The following TOPAZ1 variants were observed in gnomAD, a reference collection of about 807,000 sequenced individuals.
The protein encoded by TOPAZ1 is protein TOPAZ1.
In TOPAZ1, 66 loss-of-function variants were observed where a neutral mutation model predicts 172.2. The ratio of observed to expected loss-of-function variants is 0.38; its 90% CI spans 0.31 to 0.47. The LOEUF is 0.47. Among genes scored for constraint, TOPAZ1 ranks in the 20% least tolerant of loss-of-function variants. The probability of loss-of-function intolerance (pLI) is 0.99; values close to 1 mark genes in which losing one functional copy is unlikely to be tolerated. For missense variants in TOPAZ1, 1,822 were observed against 1,972.4 expected (o/e 0.92, Z 1.44); for synonymous variants, 681 against 683.9 (o/e 1.00, Z 0.07).
rs553971687 is a variant in TOPAZ1, at chr3:44,300,121, TAAATAAA to T, written c.3798-3883_3798-3877del. On this transcript the variant is annotated intron_variant, in intron 12 of 19. Coordinates refer to ENST00000309765, the MANE Select transcript of TOPAZ1 (RefSeq NM_001145030.2). ...GTATAATAATAATAAAATAAATAAA[TAAATAAA>T]AAATAAAAAAAAAGAAAATGAGAGC... Among the ~76,000 whole-genome samples, 584 of 150,162 alleles carry T rather than the reference TAAATAAA, an allele frequency of 3.9e-3. 1 individual carries two copies. Among genetic ancestry groups the T allele is most frequent in the African/African-American group, 0.013 (527 of 40,990 alleles).
rs374184302 is a variant in TOPAZ1 at position 44,317,073 on chromosome 3, TACTA to T, written c.4307-3952_4307-3949del. Among the ~76,000 whole-genome samples the T allele has an allele frequency of 5.5e-3, 838 of 152,348 alleles. 7 individuals carry two copies. Among genetic ancestry groups the T allele is most frequent in the African/African-American group, 0.019 (803 of 41,578 alleles). ...TTATTCTTTGAATGAATTTCAGAAT[TACTA>T]AATCAGGTTTTAATACAGTTCTGTA... On this transcript the variant is annotated intron_variant, in intron 16 of 19. Transcript: ENST00000309765.
chr3:44,269,333 GTC>G, intron 7 of TOPAZ1, 32 bp downstream of exon 7: 1 of 1,327,388 alleles, frequency 7.5e-7, no homozygotes, highest in Non-Finnish European at 1.1e-6. Context: ...ATAATAATCT[GTC>G]TCTTTCTCCT....
chr3:44,308,353 C>T (rs1374482632), intron 15 of TOPAZ1, among the ~76,000 whole-genome samples: 1 of 151,008 alleles, frequency 6.6e-6, no homozygotes, highest in African/African-American at 2.4e-5. Flanking sequence ...GTTCAATTCC[C>T]ACCTATGAGT....
At chr3:44,269,324 T>G (rs762211212) in intron 7 of TOPAZ1, 23 bp downstream of exon 7, 2 of 1,394,296 alleles carry the variant, frequency 1.4e-6, no homozygotes. Flanking sequence ...TAAAAAATAA[T>G]AATAATCTGT....
intron 8 of TOPAZ1, among the ~76,000 whole-genome samples, chr3:44,281,438 T>C (rs941680216): frequency 2.6e-5 from 4 of 152,218 alleles, no homozygotes; most frequent in Non-Finnish European, 5.9e-5. Flanking sequence ...TTTTGTAATA[T>C]TGACTTTTTG....
At chr3:44,313,049 T>A (rs1028033892) in intron 16 of TOPAZ1, among the ~76,000 whole-genome samples, 1 of 152,202 alleles carries the variant, frequency 6.6e-6, no homozygotes, top group East Asian at 1.9e-4. Context: ...CATCACTTAC[T>A]AGGCTGCATG....
At position 44,269,471 on chromosome 3, in the gene TOPAZ1, C is replaced by CTTTTTTTTTTTTTTTTTTTTTTTTTTTT. The variant is rs71085612; in HGVS notation, c.3246+174_3246+201dup. Among the ~76,000 whole-genome samples, 30 of 33,936 alleles carry CTTTTTTTTTTTTTTTTTTTTTTTTTTTT rather than the reference C, an allele frequency of 8.8e-4. 4 individuals are homozygous for CTTTTTTTTTTTTTTTTTTTTTTTTTTTT. Among genetic ancestry groups the CTTTTTTTTTTTTTTTTTTTTTTTTTTTT allele is most frequent in the Non-Finnish European group, 1.1e-3 (22 of 20,944 alleles). 22.3% of individuals were successfully genotyped at this position (33,936 alleles called of 152,430 possible). ...CCTTTTGATTGTATTTCCCTATCAT[C>CTTTTTTTTTTTTTTTTTTTTTTTTTTTT]TTTTTTTTTTTTTTTTTTTTTTTTT... On this transcript the variant is annotated intron_variant, in intron 7 of 19. Transcript: ENST00000309765.
intron 2 of TOPAZ1, among the ~76,000 whole-genome samples, chr3:44,253,401 T>C (rs1699658326): frequency 6.6e-6 from 1 of 152,196 alleles, no homozygotes; most frequent in Admixed American, 6.5e-5. Context: ...AAGAACGTGG[T>C]GACTTTACAC....
downstream of TOPAZ1, among the ~76,000 whole-genome samples, chr3:44,334,659 C>T (rs1700705152): frequency 6.6e-6 from 1 of 152,080 alleles, no homozygotes; most frequent in South Asian, 2.1e-4. Flanking sequence ...TGGGAGAAAC[C>T]AGGTGATTTT....
chr3:44,316,215 C>T (rs1488884431), intron 16 of TOPAZ1, among the ~76,000 whole-genome samples: 1 of 152,122 alleles, frequency 6.6e-6, no homozygotes, highest in Non-Finnish European at 1.5e-5. Context: ...CACTTCACTC[C>T]AGCCTGGGCA....
intron 1 of TOPAZ1, 124 bp from the exon 2 acceptor site, chr3:44,242,729 T>A (rs969801955): frequency 2.3e-4 from 176 of 777,846 alleles, no homozygotes; most frequent in South Asian, 1.1e-3. Context: ...AAAACAAATG[T>A]GTATTTACAT....
chr3:44,294,004 G>A (rs7619531), intron 12 of TOPAZ1, among the ~76,000 whole-genome samples: 69,688 of 151,658 alleles, frequency 0.46, 17,180 homozygotes, highest in East Asian at 0.8. Context: ...ACTTTGGGAG[G>A]CTGAGGCAGG....
Position 44,321,139 on chromosome 3 carries a change from T to C in TOPAZ1, c.4419T>C (p.Tyr1473=), listed in dbSNP as rs1483007484. ...IAHEILAKSL[Y]RQTFEVLQNL... ...ATGAAATCTTAGCCAAGAGCCTTTA[T>C]AGACAGACATTTGAAGTTTTGCAGA... Residue 1473 remains tyrosine, a synonymous_variant, in exon 17 of 20, where the codon TAT becomes TAC. Transcript: ENST00000309765. 1 of 1,549,488 alleles carries C rather than the reference T, an allele frequency of 6.5e-7. No homozygotes were observed.
At chr3:44,294,907 T>C (rs1262361416) in intron 12 of TOPAZ1, among the ~76,000 whole-genome samples, 2 of 152,328 alleles carry the variant, frequency 1.3e-5, no homozygotes, top group South Asian at 2.1e-4. Flanking sequence ...TTCAGGACAT[T>C]AGTGACAATT....
At chr3:44,265,456 C>T (rs771509375) in intron 5 of TOPAZ1, among the ~76,000 whole-genome samples, 12 of 152,176 alleles carry the variant, frequency 7.9e-5, no homozygotes, top group African/African-American at 1.9e-4. Context: ...ACTCAGGAAG[C>T]TGAGGCAGAG....
intron 8 of TOPAZ1, among the ~76,000 whole-genome samples, chr3:44,272,245 C>A (rs948894010): frequency 2.6e-5 from 4 of 152,128 alleles, no homozygotes; most frequent in Non-Finnish European, 4.4e-5. Context: ...GATTTCAAAT[C>A]TTTTGGGTAA....
intron 9 of TOPAZ1, among the ~76,000 whole-genome samples, chr3:44,283,219 G>C (rs894270428): frequency 2.6e-5 from 4 of 152,152 alleles, no homozygotes; most frequent in African/African-American, 9.7e-5. Flanking sequence ...AATAAATGTA[G>C]AAAGTTGTCA....
intron 2 of TOPAZ1, 30 bp from the exon 3 acceptor site, chr3:44,254,938 A>T: frequency 6.7e-7 from 1 of 1,495,122 alleles, no homozygotes; most frequent in Non-Finnish European, 9.1e-7. Flanking sequence ...AATCTATTAT[A>T]ATGTTTAAGC....
At chr3:44,304,534 A>T (rs989280784) in intron 13 of TOPAZ1, among the ~76,000 whole-genome samples, 1 of 152,192 alleles carries the variant, frequency 6.6e-6, no homozygotes, top group African/African-American at 2.4e-5. Flanking sequence ...TTTAAATTTA[A>T]TATCATTTTT....
Sources: allele counts gnomAD v4.1 joint callset (sites outside exome capture counted in the v4.1 genomes callset), GRCh38; gene constraint gnomAD v4.1.1; transcripts MANE v1.5; gene names NCBI Gene and HGNC (gene_info 2026-07-23, HGNC 2026-07-21).